The following SEL1L3 variants were observed in gnomAD, a reference collection of about 807,000 sequenced individuals.
SEL1L3 encodes protein sel-1 homolog 3.
SEL1L3 carries 76 observed loss-of-function variants against 142.8 expected under a neutral mutation model. That is an observed-to-expected ratio of 0.53 (90% confidence interval 0.44 to 0.64). The LOEUF (loss-of-function observed/expected upper bound fraction) is 0.64, where lower values mean the gene tolerates loss of function less well. Among genes scored for constraint, SEL1L3 ranks in the 30% least tolerant of loss-of-function variants. The pLI is 0.00. For synonymous variants in SEL1L3, 504 were observed against 519.6 expected (o/e 0.97, Z 0.41); for missense variants, 1,262 against 1,381.7 (o/e 0.91, Z 1.37).
In SEL1L3 at chr4:25,788,409, T is replaced by A. The variant is rs751485422; in HGVS notation, c.2077-45A>T. On this transcript the variant is annotated intron_variant, in intron 12 of 23. Coordinates refer to ENST00000399878, the MANE Select transcript of SEL1L3 (RefSeq NM_015187.5). The surrounding 1 kb of genome is among the most constrained non-coding windows in gnomAD (Gnocchi z 5.3). ...TAGAACAATGACTTTTCCTGTATAA[T>A]GCTTAACACAAGATTTTGAAAGGTG... 6.3e-7 allele frequency: 1 copy of A among 1,595,612 alleles called. No individual in the cohort carries two copies. Among genetic ancestry groups the A allele is most frequent in the Admixed American group, 1.7e-5 (1 of 58,408 alleles).
the SEL1L3 span, among the ~76,000 whole-genome samples, chr4:25,729,511 C>T: frequency 6.6e-6 from 1 of 152,084 alleles, no homozygotes; most frequent in African/African-American, 2.4e-5. Flanking sequence ...GTCAGGAGTT[C>T]GAGGCCAGCC....
intron 23 of SEL1L3, among the ~76,000 whole-genome samples, chr4:25,751,770 G>C (rs1399811118): frequency 6.6e-6 from 1 of 151,596 alleles, no homozygotes; most frequent in African/African-American, 2.4e-5. Context: ...GAGCTATCTT[G>C]GTATTTTTTA....
At chr4:25,863,485 C>T (rs1165972026), upstream of SEL1L3, 4 of 701,948 alleles carry the variant, frequency 5.7e-6, no homozygotes. Flanking sequence ...GGGTTTTTGT[C>T]TGGTTGCTTT....
At chr4:25,786,188 A>C (rs1711811638) in intron 13 of SEL1L3, among the ~76,000 whole-genome samples, 1 of 152,176 alleles carries the variant, frequency 6.6e-6, no homozygotes, top group Non-Finnish European at 1.5e-5. Flanking sequence ...CACAGCTGCC[A>C]TCTTGGTACC....
intron 19 of SEL1L3, 85 bp downstream of exon 19, chr4:25,767,440 T>G (rs541343422): frequency 4.6e-5 from 34 of 731,998 alleles, no homozygotes; most frequent in East Asian, 4.6e-4. Flanking sequence ...AATACCTCAC[T>G]TCACACAAAG....
At chr4:25,852,898 A>G (rs2109318349) in intron 1 of SEL1L3, among the ~76,000 whole-genome samples, 1 of 152,326 alleles carries the variant, frequency 6.6e-6, no homozygotes, top group Non-Finnish European at 1.5e-5. Context: ...TCTTTTAAAC[A>G]GAATGCCAGG....
chr4:25,729,910 TTTC>T, the SEL1L3 span, among the ~76,000 whole-genome samples: 3 of 151,238 alleles, frequency 2.0e-5, no homozygotes, highest in Non-Finnish European at 4.4e-5. Flanking sequence ...AGTTGACATC[TTTC>T]TTCTTCTTCT....
intron 6 of SEL1L3, among the ~76,000 whole-genome samples, chr4:25,825,666 ATTTTTTTTTTTTTTTTT>A (rs33997941): frequency 1.4e-5 from 1 of 74,026 alleles, no homozygotes; most frequent in Non-Finnish European, 2.5e-5. Context: ...TCTAAATTCT[ATTTTTTTTTTTTTTTTT>A]TTTTTTTTTG....
the SEL1L3 span, among the ~76,000 whole-genome samples, chr4:25,729,493 C>T: frequency 3.2e-4 from 48 of 152,286 alleles, no homozygotes; most frequent in African/African-American, 1.1e-3. Context: ...GCGGGCAGAT[C>T]ACCTGAGGTC....
chr4:25,823,709 G>A (rs1714913864), intron 6 of SEL1L3, among the ~76,000 whole-genome samples: 1 of 152,040 alleles, frequency 6.6e-6, no homozygotes, highest in African/African-American at 2.4e-5. Flanking sequence ...GGAACCACAA[G>A]GGGCAGATGG....
At chr4:25,737,773 C>A in the SEL1L3 span, among the ~76,000 whole-genome samples, 5 of 152,204 alleles carry the variant, frequency 3.3e-5, no homozygotes, top group Admixed American at 2.0e-4. Flanking sequence ...TACCTTAAAT[C>A]ATCTCTAGAT....
chr4:25,821,257 T>C (rs1714732171), intron 7 of SEL1L3, among the ~76,000 whole-genome samples: 1 of 152,236 alleles, frequency 6.6e-6, no homozygotes, highest in East Asian at 1.9e-4. Context: ...ATTATGACTT[T>C]GCCTAGTGAC....
chr4:25,801,036 A>T (rs1713149525), intron 11 of SEL1L3, among the ~76,000 whole-genome samples: 1 of 152,208 alleles, frequency 6.6e-6, no homozygotes, highest in South Asian at 2.1e-4. Context: ...TCAGCCACGC[A>T]GCCTAAAATT....
At chr4:25,836,854 G>A (rs942360344) in intron 2 of SEL1L3, among the ~76,000 whole-genome samples, 3 of 152,176 alleles carry the variant, frequency 2.0e-5, no homozygotes, top group Non-Finnish European at 2.9e-5. Context: ...TTTCCCAAAG[G>A]AAATAAAAAG....
intron 2 of SEL1L3, among the ~76,000 whole-genome samples, chr4:25,837,932 G>T (rs892836563): frequency 6.6e-6 from 1 of 152,096 alleles, no homozygotes; most frequent in Non-Finnish European, 1.5e-5. Flanking sequence ...TAATTTACAG[G>T]TAGGAAAACT....
At chr4:25,837,632 T>C (rs1178189782) in intron 2 of SEL1L3, among the ~76,000 whole-genome samples, 1 of 152,096 alleles carries the variant, frequency 6.6e-6, no homozygotes, top group Admixed American at 6.5e-5. Flanking sequence ...AGCTTTGCGA[T>C]GTGTATAATT....
intron 1 of SEL1L3, among the ~76,000 whole-genome samples, chr4:25,849,235 C>T (rs1262163561): frequency 6.6e-6 from 1 of 152,180 alleles, no homozygotes; most frequent in Non-Finnish European, 1.5e-5. Flanking sequence ...TTTGTACACC[C>T]GTGTTCATAA....
intron 9 of SEL1L3, among the ~76,000 whole-genome samples, chr4:25,811,834 T>C (rs1044525005): frequency 9.2e-5 from 14 of 151,810 alleles, no homozygotes; most frequent in African/African-American, 1.5e-4. Context: ...CAGTAATTTA[T>C]ATATTGGAGA....
At chr4:25,736,537 T>C in the SEL1L3 span, among the ~76,000 whole-genome samples, 2 of 152,130 alleles carry the variant, frequency 1.3e-5, no homozygotes, top group South Asian at 2.1e-4. Context: ...TTTCTATAGT[T>C]TGAAATTGAA....
Sources: allele counts gnomAD v4.1 joint callset (sites outside exome capture counted in the v4.1 genomes callset), GRCh38; gene constraint gnomAD v4.1.1; non-coding constraint Gnocchi (gnomAD v3.1); transcripts MANE v1.5; gene names NCBI Gene and HGNC (gene_info 2026-07-23, HGNC 2026-07-21).